Variants in GLRB observed in about 807,000 individuals in gnomAD.
The protein encoded by GLRB is glycine receptor beta.
Under a neutral mutation model 54.2 loss-of-function variants are expected in GLRB, and 33 were observed. The ratio of observed to expected loss-of-function variants is 0.61; its 90% CI spans 0.46 to 0.81. The LOEUF is 0.81. GLRB is among the 40% of genes least tolerant of loss of function. The probability of loss-of-function intolerance (pLI) is 0.00; values close to 1 mark genes in which losing one functional copy is unlikely to be tolerated. For synonymous variants in GLRB, 209 were observed against 208.2 expected (o/e 1.00, Z -0.03); for missense variants, 572 against 584.6 (o/e 0.98, Z 0.22).
intron 2 of GLRB, among the ~76,000 whole-genome samples, chr4:157,113,233 A>C (rs939906251): frequency 6.6e-6 from 1 of 151,926 alleles, no homozygotes; most frequent in African/African-American, 2.4e-5. Context: ...GCTAAGTATC[A>C]TCGCAGTTGG....
intron 9 of GLRB, among the ~76,000 whole-genome samples, chr4:157,166,958 C>A (rs959880345): frequency 6.6e-6 from 1 of 151,248 alleles, no homozygotes; most frequent in African/African-American, 2.4e-5. Flanking sequence ...TATTTGTGGC[C>A]TAGGTTATAA....
At chr4:157,134,237 G>T (rs1736319191) in intron 4 of GLRB, among the ~76,000 whole-genome samples, 1 of 151,970 alleles carries the variant, frequency 6.6e-6, no homozygotes, top group Admixed American at 6.6e-5. Flanking sequence ...CATTCCAAAA[G>T]ATATTTGTTT....
chr4:157,091,952 A>G (rs1396298452), intron 2 of GLRB, among the ~76,000 whole-genome samples: 2 of 152,120 alleles, frequency 1.3e-5, no homozygotes, highest in East Asian at 3.9e-4. Context: ...TGCCATTAAC[A>G]CTATACAAAA....
chr4:157,083,961 A>G (rs935964927), intron 2 of GLRB, among the ~76,000 whole-genome samples: 43 of 152,302 alleles, frequency 2.8e-4, no homozygotes, highest in Middle Eastern at 3.4e-3. Flanking sequence ...GATAACAAAT[A>G]TAATGATCTA....
In GLRB at chr4:157,098,129, T is replaced by C. The variant is rs1277517273; in HGVS notation, c.122+19983T>C. ...TGCCTTAGATTGGTCTTGCCTCTTC[T>C]TGACCATAATATAAATGGAGTAATA... On this transcript the variant is annotated intron_variant, in intron 2 of 9. Transcript: ENST00000264428. 2.0e-5 allele frequency among the ~76,000 whole-genome samples: 3 copies of C among 152,248 alleles called. No homozygotes were observed. In the East Asian group the frequency reaches 5.8e-4, roughly 29 times the overall value.
At chr4:157,118,158 T>A (rs1343533476) in intron 2 of GLRB, among the ~76,000 whole-genome samples, 2 of 151,666 alleles carry the variant, frequency 1.3e-5, no homozygotes, top group Admixed American at 6.6e-5. Context: ...AGTTCTAAAC[T>A]ACAAAATTTA....
At chr4:157,098,702 T>C (rs1308350506) in intron 2 of GLRB, among the ~76,000 whole-genome samples, 1 of 151,870 alleles carries the variant, frequency 6.6e-6, no homozygotes, top group Non-Finnish European at 1.5e-5. Context: ...ACCTCCCTGG[T>C]TCAAGCAATT....
chr4:157,123,164 T>C (rs1270572184), intron 4 of GLRB, among the ~76,000 whole-genome samples: 3 of 151,794 alleles, frequency 2.0e-5, no homozygotes, highest in Non-Finnish European at 2.9e-5. Context: ...ACAAACCACA[T>C]GGTGAAATAA....
intron 4 of GLRB, among the ~76,000 whole-genome samples, chr4:157,124,826 C>A (rs1376255894): frequency 6.6e-6 from 1 of 151,804 alleles, no homozygotes; most frequent in Non-Finnish European, 1.5e-5. Flanking sequence ...TGTTTAAGAT[C>A]AGAACTACAC....
At position 157,100,806 on chromosome 4, in the gene GLRB, C is replaced by G. The variant is rs1389144575; in HGVS notation, c.123-19750C>G. On this transcript the variant is annotated intron_variant, in intron 2 of 9. Transcript: ENST00000264428. ...GATCTGGGATTTTGGTTATATGAAC[C>G]TTAGCAAATACAAACTATGACACTG... Among the ~76,000 whole-genome samples, 3 of 152,060 alleles carry G rather than the reference C, an allele frequency of 2.0e-5. No homozygotes were observed. In the East Asian group the frequency reaches 5.8e-4, roughly 29 times the overall value.
At chr4:157,084,732 A>G (rs1282895597) in intron 2 of GLRB, 1 of 455,594 alleles carries the variant, frequency 2.2e-6, no homozygotes, top group Non-Finnish European at 4.4e-6. Flanking sequence ...AGGGTAGGTT[A>G]CTGTTGATTA....
At chr4:157,099,191 A>G (rs1307526410) in intron 2 of GLRB, among the ~76,000 whole-genome samples, 1 of 152,046 alleles carries the variant, frequency 6.6e-6, no homozygotes, top group Non-Finnish European at 1.5e-5. Context: ...CAGGGTAGTT[A>G]TTTACAGTAA....
intron 9 of GLRB, among the ~76,000 whole-genome samples, chr4:157,154,552 C>T (rs113206679): frequency 0.02 from 3,040 of 151,514 alleles, 64 homozygotes; most frequent in African/African-American, 0.045. Flanking sequence ...CTCAGCCTCC[C>T]GAGTAACTGG....
At chr4:157,142,404 G>T (rs1469655509) in intron 7 of GLRB, among the ~76,000 whole-genome samples, 1 of 152,042 alleles carries the variant, frequency 6.6e-6, no homozygotes, top group African/African-American at 2.4e-5. Flanking sequence ...TCAGTCGAAA[G>T]CAACTATTTT....
intron 2 of GLRB, among the ~76,000 whole-genome samples, chr4:157,090,989 TC>T (rs1168607884): frequency 1.3e-5 from 2 of 152,256 alleles, no homozygotes; most frequent in African/African-American, 4.8e-5. Context: ...AAAAATATTT[TC>T]CTAAATATTC....
chr4:157,153,077 C>G (rs1469840455), intron 9 of GLRB, 67 bp downstream of exon 9: 2 of 1,319,440 alleles, frequency 1.5e-6, no homozygotes, highest in Admixed American at 3.4e-5. Flanking sequence ...AGAGAGACAC[C>G]TTTGTGTATG....
chr4:157,087,000 A>G (rs955454877), intron 2 of GLRB, among the ~76,000 whole-genome samples: 1 of 152,114 alleles, frequency 6.6e-6, no homozygotes, highest in Non-Finnish European at 1.5e-5. Context: ...GTTGGACTCT[A>G]TTGTGTAGTT....
At chr4:157,096,723 T>C (rs1271457534) in intron 2 of GLRB, among the ~76,000 whole-genome samples, 1 of 152,212 alleles carries the variant, frequency 6.6e-6, no homozygotes, top group Non-Finnish European at 1.5e-5. Flanking sequence ...TCAACAGAGA[T>C]AGTCTTCTTG....
At chr4:157,146,266 C>T (rs574835520) in intron 8 of GLRB, among the ~76,000 whole-genome samples, 8 of 152,098 alleles carry the variant, frequency 5.3e-5, no homozygotes, top group South Asian at 2.1e-4. Flanking sequence ...CTGCCCGCCT[C>T]GACCTCCCAA....
Sources: allele counts gnomAD v4.1 joint callset (sites outside exome capture counted in the v4.1 genomes callset), GRCh38; gene constraint gnomAD v4.1.1; transcripts MANE v1.5; gene names NCBI Gene and HGNC (gene_info 2026-07-23, HGNC 2026-07-21).